BOLL: variants seen among roughly 807,000 people sequenced by gnomAD.
BOLL encodes the protein boule RNA binding protein.
Under a neutral mutation model 44.4 loss-of-function variants are expected in BOLL, and 23 were observed. The observed-to-expected ratio is 0.52, with a 90% CI of 0.37 to 0.73. The LOEUF (loss-of-function observed/expected upper bound fraction) is 0.73. Ranked by LOEUF, BOLL falls within the 30% of genes least tolerant of loss-of-function variation. BOLL has a pLI of 0.00. For missense variants in BOLL, 287 were observed against 338.3 expected, an observed-to-expected ratio of 0.85 and a Z score of 1.19; for synonymous variants, 97 against 110.8, an observed-to-expected ratio of 0.88 and a Z score of 0.78.
At chr2:197,756,183 GATCAA>G (rs951362906) in intron 9 of BOLL, among the ~76,000 whole-genome samples, 2 of 152,060 alleles carry the variant, frequency 1.3e-5, no homozygotes, top group Non-Finnish European at 1.5e-5. Flanking sequence ...ATTTCAAAAA[GATCAA>G]ATCAAAGATT....
chr2:197,766,452 C>T, intron 7 of BOLL, 80 bp downstream of exon 7: 1 of 1,174,560 alleles, frequency 8.5e-7, no homozygotes, highest in South Asian at 1.3e-5. Context: ...AAAGTAGTTG[C>T]ATGAGAAAGA....
chr2:197,785,619 A>G (rs1426515081), upstream of BOLL, among the ~76,000 whole-genome samples: 2 of 152,198 alleles, frequency 1.3e-5, no homozygotes, highest in Non-Finnish European at 2.9e-5. The surrounding 1 kb of genome is among the most constrained non-coding windows in gnomAD (Gnocchi z 6.7). Context: ...GTTCGGCCGC[A>G]GGGAGCGTCA....
At position 197,766,468 on chromosome 2, in the gene BOLL, A is replaced by G. The variant is rs1689002463; in HGVS notation, c.552+64T>C. ...AAGTAGTTGCATGAGAAAGAAATAA[A>G]TGAAAGTTAGCTAAGAAAGGACTGA... is the stretch of plus-strand genomic sequence containing the variant. On this transcript the variant is annotated intron_variant, in intron 7 of 10. Coordinates refer to ENST00000392296, the MANE Select transcript of BOLL (RefSeq NM_033030.6). The G allele has an allele frequency of 4.5e-6, 6 of 1,327,388 alleles. No individual in the cohort carries two copies. The South Asian group carries it at 7.5e-5, about 17-fold the overall frequency. The allele number at this position is 1,327,388 out of a possible 1,614,324, so 82.2% of individuals were successfully genotyped here.
chr2:197,729,583 G>A (rs1334829376), intron 10 of BOLL, among the ~76,000 whole-genome samples: 1 of 152,182 alleles, frequency 6.6e-6, no homozygotes, highest in Non-Finnish European at 1.5e-5. Flanking sequence ...TTTGAAGAGA[G>A]CAGTGGTTTT....
At chr2:197,748,303 G>A (rs1335534381) in intron 9 of BOLL, among the ~76,000 whole-genome samples, 1 of 152,226 alleles carries the variant, frequency 6.6e-6, no homozygotes. Context: ...AAAACTGGGT[G>A]CCCATTTGGG....
chr2:197,753,768 C>A (rs1330346741), intron 9 of BOLL, among the ~76,000 whole-genome samples: 8 of 152,148 alleles, frequency 5.3e-5, no homozygotes, highest in African/African-American at 1.9e-4. Flanking sequence ...CCATTTGACC[C>A]AGCAATCCCA....
chr2:197,729,519 G>C (rs1687041217), intron 10 of BOLL, among the ~76,000 whole-genome samples: 2 of 152,182 alleles, frequency 1.3e-5, no homozygotes, highest in African/African-American at 2.4e-5. Flanking sequence ...GCAGGGCACA[G>C]ACAAACAAAA....
intron 10 of BOLL, among the ~76,000 whole-genome samples, chr2:197,729,343 A>G (rs1343272473): frequency 2.0e-5 from 3 of 152,148 alleles, no homozygotes; most frequent in African/African-American, 7.2e-5. Flanking sequence ...GATTGCTAGC[A>G]CAGCAGTCTG....
intron 7 of BOLL, among the ~76,000 whole-genome samples, chr2:197,758,141 A>ACTCTATAACT (rs1688599591): frequency 6.6e-6 from 1 of 152,196 alleles, no homozygotes; most frequent in East Asian, 1.9e-4. Flanking sequence ...CAGCAATTCC[A>ACTCTATAACT]CTCTAGTTAT....
chr2:197,786,004 C>T, upstream of BOLL: 1 of 1,612,400 alleles, frequency 6.2e-7, no homozygotes, highest in Non-Finnish European at 8.5e-7. The surrounding 1 kb of genome is among the most constrained non-coding windows in gnomAD (Gnocchi z 5.9). Flanking sequence ...CGGTTTCCAT[C>T]TTCCTCTCTG....
intron 7 of BOLL, among the ~76,000 whole-genome samples, chr2:197,758,496 C>A (rs1157555150): frequency 6.6e-6 from 1 of 152,064 alleles, no homozygotes; most frequent in Non-Finnish European, 1.5e-5. Flanking sequence ...TTACTGGTTG[C>A]CTAGCACTGG....
intron 10 of BOLL, among the ~76,000 whole-genome samples, chr2:197,742,643 A>C (rs1178583622): frequency 6.6e-6 from 1 of 151,760 alleles, no homozygotes; most frequent in African/African-American, 2.4e-5. Flanking sequence ...GAAGGGGAAC[A>C]TCACACTCCG....
chr2:197,782,386 CA>C (rs1397755162), intron 1 of BOLL, among the ~76,000 whole-genome samples: 1 of 152,160 alleles, frequency 6.6e-6, no homozygotes, highest in Non-Finnish European at 1.5e-5. Context: ...AGGCATTGCC[CA>C]AACCACAAGA....
chr2:197,736,426 A>C lies in BOLL; in HGVS notation c.828+6635T>G, dbSNP rs928646667. ...TAGAACAGAAAAAGAACATAAGTGA[A>C]AAAAATGGTGAAGTTTGTAGTTCAC... On this transcript the variant is annotated intron_variant, in intron 10 of 10. Coordinates refer to ENST00000392296, the MANE Select transcript of BOLL (RefSeq NM_033030.6). Among the ~76,000 whole-genome samples, 402 of 152,174 alleles carry C rather than the reference A, an allele frequency of 2.6e-3. 7 individuals carry two copies. The highest frequency in any genetic ancestry group is 5.9e-4 in the Non-Finnish European group (40 of 67,976).
chr2:197,777,949 A>G (rs1689593400), intron 3 of BOLL, among the ~76,000 whole-genome samples: 1 of 151,950 alleles, frequency 6.6e-6, no homozygotes, highest in South Asian at 2.1e-4. Flanking sequence ...CAAACATTAA[A>G]AAGTTAAGGA....
At chr2:197,751,160 A>G (rs187877512) in intron 9 of BOLL, among the ~76,000 whole-genome samples, 1 of 152,344 alleles carries the variant, frequency 6.6e-6, no homozygotes, top group East Asian at 1.9e-4. Context: ...GTTTAGAGAG[A>G]AATTTATAGC....
chr2:197,777,422 A>G (rs1689570213), intron 3 of BOLL, among the ~76,000 whole-genome samples: 1 of 151,904 alleles, frequency 6.6e-6, no homozygotes, highest in Non-Finnish European at 1.5e-5. Flanking sequence ...ATAAATTTCA[A>G]TCCAGAGCAA....
rs767302276 is a variant in BOLL, at chr2:197,728,468, T to C, written c.*87A>G. The stretch of plus-strand genomic sequence containing the variant: ...ACTAAGTTTCACAACGGGCAGCTTC[T>C]AGCTGGTTCGTTGAAGCTGGATCTC... On this transcript the variant is annotated 3_prime_UTR_variant, in exon 11 of 11. Coordinates refer to ENST00000392296, the MANE Select transcript of BOLL (RefSeq NM_033030.6). 9 of 1,603,130 alleles carry C rather than the reference T, an allele frequency of 5.6e-6. No homozygotes were observed. Among genetic ancestry groups the C allele is most frequent in the Non-Finnish European group, 6.8e-6 (8 of 1,170,144 alleles).
intron 6 of BOLL, among the ~76,000 whole-genome samples, chr2:197,767,859 A>T (rs1040136508): frequency 6.6e-6 from 1 of 152,048 alleles, no homozygotes; most frequent in Non-Finnish European, 1.5e-5. Flanking sequence ...GCATGCATAC[A>T]TGTAAAGTTT....
Sources: allele counts gnomAD v4.1 joint callset (sites outside exome capture counted in the v4.1 genomes callset), GRCh38; gene constraint gnomAD v4.1.1; non-coding constraint Gnocchi (gnomAD v3.1); transcripts MANE v1.5; gene names NCBI Gene and HGNC (gene_info 2026-07-23, HGNC 2026-07-21).